The following RPGRIP1L variants were observed in gnomAD, a reference collection of about 807,000 sequenced individuals.
The protein encoded by RPGRIP1L is RPGRIP1 like, also known as protein fantom.
A neutral mutation model predicts 160.4 loss-of-function variants in RPGRIP1L; 131 were observed. The ratio of observed to expected loss-of-function variants is 0.82; its 90% CI spans 0.71 to 0.94. The LOEUF (loss-of-function observed/expected upper bound fraction) is 0.94, where lower values mean the gene tolerates loss of function less well. Ranked by LOEUF, RPGRIP1L falls within the 40% of genes least tolerant of loss-of-function variation. RPGRIP1L has a pLI of 0.00. For synonymous variants in RPGRIP1L, 510 were observed against 515.8 expected (o/e 0.99, Z 0.15); for missense variants, 1,522 against 1,535.8 (o/e 0.99, Z 0.15).
intron 24 of RPGRIP1L, 143 bp downstream of exon 24, chr16:53,618,882 G>T: frequency 1.3e-6 from 1 of 760,094 alleles, no homozygotes; most frequent in Non-Finnish European, 2.1e-6. Context: ...CTACTGGTTT[G>T]ACTTTTATTA....
chr16:53,621,480 A>T (rs937286346), intron 23 of RPGRIP1L, among the ~76,000 whole-genome samples: 2 of 149,372 alleles, frequency 1.3e-5, no homozygotes, highest in Non-Finnish European at 3.0e-5. Context: ...TACTTCGATC[A>T]AATGTCCTTT....
Position 53,658,837 on chromosome 16 carries a change from A to C in RPGRIP1L, c.1285T>G (p.Leu429Val), listed in dbSNP as rs746337296. ...TGTTGCTTTTGTTCCAGATACTGTA[A>C]CTGTAGTTCTCTATTCTCTTGAACG... ...KLVQENRELQLQYLEQKQQLD... is the reference protein window; with the variant it reads ...KLVQENRELQVQYLEQKQQLD... The change falls in exon 11 of 27, where the codon TTA (leucine) becomes GTA (valine). Residue 429 changes from leucine (L) to valine (V), a missense_variant. Coordinates refer to ENST00000647211, the MANE Select transcript of RPGRIP1L (RefSeq NM_015272.5). 1 of 1,608,434 alleles carries C rather than the reference A, an allele frequency of 6.2e-7. No individual in the cohort carries two copies. Among genetic ancestry groups the C allele is most frequent in the Non-Finnish European group, 8.5e-7 (1 of 1,176,392 alleles).
intron 7 of RPGRIP1L, 111 bp from the exon 8 acceptor site, chr16:53,673,127 G>A: frequency 1.9e-6 from 2 of 1,043,662 alleles, no homozygotes; most frequent in Non-Finnish European, 2.9e-6. Flanking sequence ...TACTCCCGAA[G>A]TTCACCTTAT....
intron 4 of RPGRIP1L, among the ~76,000 whole-genome samples, chr16:53,689,609 G>C (rs1177815520): frequency 2.0e-5 from 3 of 152,152 alleles, no homozygotes; most frequent in Non-Finnish European, 2.9e-5. Context: ...TATTTGTATA[G>C]CACCTTGATG....
chr16:53,623,075 C>T (rs1964844905), intron 22 of RPGRIP1L, among the ~76,000 whole-genome samples: 1 of 152,138 alleles, frequency 6.6e-6, no homozygotes, highest in African/African-American at 2.4e-5. Flanking sequence ...ATATTTCAGA[C>T]ATTGTTTTAA....
intron 26 of RPGRIP1L, among the ~76,000 whole-genome samples, chr16:53,603,559 G>A (rs1963494585): frequency 6.6e-6 from 1 of 152,128 alleles, no homozygotes; most frequent in Non-Finnish European, 1.5e-5. Flanking sequence ...TAAAACTCCT[G>A]AGCTCAAGCA....
chr16:53,607,198 T>C (rs1320114159), intron 25 of RPGRIP1L, among the ~76,000 whole-genome samples: 1 of 152,200 alleles, frequency 6.6e-6, no homozygotes, highest in Non-Finnish European at 1.5e-5. Flanking sequence ...ATTATACTTA[T>C]CTTACAGGGC....
chr16:53,611,545 C>G (rs537827038), intron 24 of RPGRIP1L, among the ~76,000 whole-genome samples: 1 of 152,300 alleles, frequency 6.6e-6, no homozygotes, highest in South Asian at 2.1e-4. Flanking sequence ...CGCAGGCTGA[C>G]GCCTGCTGGG....
At chr16:53,663,565 A>C (rs1326494577) in intron 10 of RPGRIP1L, among the ~76,000 whole-genome samples, 1 of 152,102 alleles carries the variant, frequency 6.6e-6, no homozygotes, top group Non-Finnish European at 1.5e-5. Flanking sequence ...GCAATTACTA[A>C]GGCAAAGCAC....
Position 53,648,920 on chromosome 16 carries a change from A to T in RPGRIP1L, c.2304+44T>A, listed in dbSNP as rs751639047. ...GCACGACACATAAATAAATATTATA[A>T]AATTTCTATGTCATAAAAGGGTCTT... On this transcript the variant is annotated intron_variant, in intron 16 of 26. Transcript: ENST00000647211. The T allele has an allele frequency of 1.9e-6, 3 of 1,545,058 alleles. No homozygotes were observed. In the African/African-American group the frequency reaches 4.1e-5, roughly 21 times the overall value.
At chr16:53,685,332 C>G (rs546437913) in intron 6 of RPGRIP1L, among the ~76,000 whole-genome samples, 1 of 152,062 alleles carries the variant, frequency 6.6e-6, no homozygotes, top group Non-Finnish European at 1.5e-5. Context: ...AAATACCATT[C>G]GACAAGGAAA....
intron 14 of RPGRIP1L, among the ~76,000 whole-genome samples, chr16:53,656,089 T>G (rs1598339301): frequency 6.6e-6 from 1 of 152,146 alleles, no homozygotes; most frequent in Admixed American, 6.5e-5. Context: ...TTTGTAGTAA[T>G]TTATGAAGTA....
rs374781718 is a variant in RPGRIP1L, at chr16:53,672,858, T to C, written c.1029+12A>G. ...GTAATGCAACAGATGGCTAAACTCT[T>C]TGGGAGCTTACCTCTTCTATTCTTC... On this transcript the variant is annotated intron_variant, in intron 8 of 26. Coordinates refer to ENST00000647211, the MANE Select transcript of RPGRIP1L (RefSeq NM_015272.5). 52 of 1,609,940 alleles carry C rather than the reference T, an allele frequency of 3.2e-5. No individual in the cohort carries two copies. The highest frequency in any genetic ancestry group is 4.2e-5 in the Non-Finnish European group (49 of 1,177,426).
chr16:53,666,782 G>C (rs1968304777), intron 9 of RPGRIP1L, among the ~76,000 whole-genome samples: 1 of 152,076 alleles, frequency 6.6e-6, no homozygotes, highest in Non-Finnish European at 1.5e-5. Context: ...CAGCTAATCT[G>C]GCAGAAACAT....
rs1317756490 is a variant in RPGRIP1L at position 53,619,103 on chromosome 16, T to G, written c.3538A>C (p.Ser1180Arg). 6.2e-7 allele frequency: 1 copy of G among 1,614,044 alleles called. No individual in the cohort carries two copies. The highest frequency in any genetic ancestry group is 8.5e-7 in the Non-Finnish European group (1 of 1,180,026). ...ACGGGTGTCTCTTCAGCAGGAAGAC[T>G]GTAGAATCGACACTCAACAAACAGC... is the stretch of plus-strand genomic sequence containing the variant. The part of the protein sequence containing the change: ...QRLFVECRFY[S>R]LPAEETPVSL... The change falls in exon 24 of 27, where the codon AGT (serine) becomes CGT (arginine). Residue 1180 changes from serine (S) to arginine (R), a missense_variant. By Grantham distance (110) the Ser-to-Arg change is moderately radical. Coordinates refer to ENST00000647211, the MANE Select transcript of RPGRIP1L (RefSeq NM_015272.5).
At chr16:53,663,830 G>GA (rs1347597745) in intron 10 of RPGRIP1L, among the ~76,000 whole-genome samples, 1 of 151,804 alleles carries the variant, frequency 6.6e-6, no homozygotes, top group Non-Finnish European at 1.5e-5. Context: ...GCTAAAATGT[G>GA]AAAAAAAGGT....
intron 24 of RPGRIP1L, among the ~76,000 whole-genome samples, chr16:53,618,615 C>T (rs1964521415): frequency 6.6e-6 from 1 of 152,202 alleles, no homozygotes; most frequent in Admixed American, 6.5e-5. Context: ...AAGATCAGAG[C>T]TCACTGCAGG....
chr16:53,677,095 T>C (rs980177059), intron 6 of RPGRIP1L, among the ~76,000 whole-genome samples: 4 of 152,194 alleles, frequency 2.6e-5, no homozygotes, highest in Admixed American at 2.6e-4. Context: ...AGTAAGCATA[T>C]GTCAAAAACT....
chr16:53,614,179 A>G (rs1964218664), intron 24 of RPGRIP1L, among the ~76,000 whole-genome samples: 1 of 152,226 alleles, frequency 6.6e-6, no homozygotes, highest in African/African-American at 2.4e-5. Flanking sequence ...TTCTTGGCAG[A>G]AAACTTTCAA....
Sources: allele counts gnomAD v4.1 joint callset (sites outside exome capture counted in the v4.1 genomes callset), GRCh38; gene constraint gnomAD v4.1.1; transcripts MANE v1.5; gene names NCBI Gene and HGNC (gene_info 2026-07-23, HGNC 2026-07-21).